KCTD8: variants seen among roughly 807,000 people sequenced by gnomAD.
KCTD8 encodes BTB/POZ domain-containing protein KCTD8.
In KCTD8, 27 loss-of-function variants were observed where a neutral mutation model predicts 31.5. The ratio of observed to expected loss-of-function variants is 0.86; its 90% CI spans 0.63 to 1.18. The LOEUF (loss-of-function observed/expected upper bound fraction) is 1.18, where lower values mean the gene tolerates loss of function less well. Among genes scored for constraint, KCTD8 ranks in the 50% most tolerant of loss-of-function variants. The probability of loss-of-function intolerance (pLI) is 0.00; values close to 1 mark genes in which losing one functional copy is unlikely to be tolerated. For missense variants in KCTD8, 658 were observed against 647.7 expected (o/e 1.02, Z -0.17); for synonymous variants, 290 against 280.0 (o/e 1.04, Z -0.36).
intron 1 of KCTD8, among the ~76,000 whole-genome samples, chr4:44,381,862 C>T (rs1720073889): frequency 6.6e-6 from 1 of 152,066 alleles, no homozygotes; most frequent in African/African-American, 2.4e-5. Flanking sequence ...GGAGCAAATG[C>T]TGGCACCAGG....
intron 1 of KCTD8, among the ~76,000 whole-genome samples, chr4:44,446,555 C>T (rs1019932737): frequency 1.3e-5 from 2 of 151,940 alleles, no homozygotes; most frequent in African/African-American, 4.8e-5. Context: ...CACTCCCAAT[C>T]CCCAGGTTCA....
At chr4:44,320,811 T>A (rs1490694424) in intron 1 of KCTD8, among the ~76,000 whole-genome samples, 1 of 139,156 alleles carries the variant, frequency 7.2e-6, no homozygotes, top group East Asian at 2.0e-4. Context: ...CACTGTTTAT[T>A]CCTGATTCTT....
intron 1 of KCTD8, among the ~76,000 whole-genome samples, chr4:44,220,876 A>G: frequency 6.6e-6 from 1 of 152,210 alleles, no homozygotes; most frequent in East Asian, 1.9e-4. Context: ...TTTTACCATA[A>G]TTCTCAGCCT....
intron 1 of KCTD8, among the ~76,000 whole-genome samples, chr4:44,280,060 C>T (rs1048257141): frequency 6.6e-6 from 1 of 151,948 alleles, no homozygotes; most frequent in African/African-American, 2.4e-5. Flanking sequence ...AATTTTCAGT[C>T]ATCTTGGAGA....
intron 1 of KCTD8, among the ~76,000 whole-genome samples, chr4:44,304,907 C>A (rs1717755262): frequency 6.6e-6 from 1 of 151,690 alleles, no homozygotes; most frequent in African/African-American, 2.4e-5. Flanking sequence ...GGGAGGATCA[C>A]TTGAGCCCAG....
intron 1 of KCTD8, among the ~76,000 whole-genome samples, chr4:44,416,401 T>C (rs958588633): frequency 6.6e-6 from 1 of 152,172 alleles, no homozygotes; most frequent in African/African-American, 2.4e-5. Context: ...TATTTTGTGA[T>C]GTGAGAAGGG....
At chr4:44,284,204 G>A (rs554480101) in intron 1 of KCTD8, among the ~76,000 whole-genome samples, 12 of 152,206 alleles carry the variant, frequency 7.9e-5, no homozygotes, top group East Asian at 1.9e-4. Context: ...AAAGCTGAAC[G>A]CATCATGTTA....
At chr4:44,333,204 C>T (rs1718635585) in intron 1 of KCTD8, among the ~76,000 whole-genome samples, 2 of 151,788 alleles carry the variant, frequency 1.3e-5, no homozygotes, top group African/African-American at 2.4e-5. Flanking sequence ...ACTGTGTCGC[C>T]GATTAATATT....
At chr4:44,180,145 T>G (rs1470768052) in intron 1 of KCTD8, among the ~76,000 whole-genome samples, 1 of 152,098 alleles carries the variant, frequency 6.6e-6, no homozygotes, top group Non-Finnish European at 1.5e-5. Flanking sequence ...AACATCTTCC[T>G]GAAAGCACTT....
intron 1 of KCTD8, among the ~76,000 whole-genome samples, chr4:44,250,209 G>A (rs768714566): frequency 6.6e-6 from 1 of 151,670 alleles, no homozygotes; most frequent in Non-Finnish European, 1.5e-5. Context: ...CAATTTTACT[G>A]TTGCCAAATT....
At chr4:44,368,948 G>T (rs943796060) in intron 1 of KCTD8, among the ~76,000 whole-genome samples, 1 of 152,200 alleles carries the variant, frequency 6.6e-6, no homozygotes, top group Non-Finnish European at 1.5e-5. Context: ...ACTTCAGTGA[G>T]TCATCAGTAT....
intron 1 of KCTD8, among the ~76,000 whole-genome samples, chr4:44,307,790 T>C (rs895084100): frequency 6.6e-5 from 10 of 151,986 alleles, no homozygotes; most frequent in African/African-American, 2.4e-4. Context: ...GCCAGTGCTG[T>C]ACACATAACT....
At chr4:44,378,707 C>T (rs1056604990) in intron 1 of KCTD8, among the ~76,000 whole-genome samples, 4 of 152,046 alleles carry the variant, frequency 2.6e-5, no homozygotes, top group African/African-American at 9.7e-5. Context: ...TTACATGAGT[C>T]CCAAGTCACA....
chr4:44,370,528 T>C (rs988884203), intron 1 of KCTD8, among the ~76,000 whole-genome samples: 1 of 152,218 alleles, frequency 6.6e-6, no homozygotes. Context: ...GATTTTTCTA[T>C]ATTTCTCCTC....
intron 1 of KCTD8, among the ~76,000 whole-genome samples, chr4:44,265,664 A>G (rs938555294): frequency 6.6e-6 from 1 of 152,206 alleles, no homozygotes; most frequent in African/African-American, 2.4e-5. Context: ...AGACAAATGT[A>G]TAACTAGAAT....
chr4:44,296,597 A>G (rs966331040), intron 1 of KCTD8, among the ~76,000 whole-genome samples: 1 of 152,128 alleles, frequency 6.6e-6, no homozygotes, highest in Non-Finnish European at 1.5e-5. Flanking sequence ...AAACACCAAT[A>G]TAATTAGTAG....
chr4:44,186,270 G>A (rs1026103878), intron 1 of KCTD8, among the ~76,000 whole-genome samples: 1 of 152,168 alleles, frequency 6.6e-6, no homozygotes, highest in African/African-American at 2.4e-5. Flanking sequence ...GGAATTTGGT[G>A]GAAGCAGTCA....
At chr4:44,276,896 ATCT>A (rs1266250370) in intron 1 of KCTD8, among the ~76,000 whole-genome samples, 1 of 151,982 alleles carries the variant, frequency 6.6e-6, no homozygotes, top group African/African-American at 2.4e-5. Flanking sequence ...TTAAAAAATG[ATCT>A]TCATCAATGT....
Position 44,218,303 on chromosome 4 carries a change from T to G in KCTD8, c.962-43053A>C, listed in dbSNP as rs545371005. 8.9e-4 allele frequency among the ~76,000 whole-genome samples: 135 copies of G among 151,604 alleles called. 1 individual carries two copies. The highest frequency in any genetic ancestry group is 3.0e-3 in the African/African-American group (124 of 41,410). ...CATGCACCACCACACCCGGCTAATT[T>G]TTGTATTTTTAGTAGAGACAGGGTT... On this transcript the variant is annotated intron_variant, in intron 1 of 1. Transcript: ENST00000360029.
Sources: gnomAD v4.1 joint callset for allele counts (sites outside exome capture counted in the v4.1 genomes callset) on GRCh38, gnomAD v4.1.1 for gene constraint, MANE v1.5 for transcripts, NCBI Gene and HGNC (gene_info 2026-07-23, HGNC 2026-07-21) for gene names.